The following FKBP1A variants were observed in gnomAD, a reference collection of about 807,000 sequenced individuals.
FKBP1A encodes the protein peptidyl-prolyl cis-trans isomerase FKBP1A.
In FKBP1A, 5 loss-of-function variants were observed where a neutral mutation model predicts 14.2. The ratio of observed to expected loss-of-function variants is 0.35; its 90% confidence interval spans 0.18 to 0.74. FKBP1A has a LOEUF of 0.74. FKBP1A is among the 30% of genes least tolerant of loss of function. The probability of loss-of-function intolerance (pLI) is 0.56; values close to 1 mark genes in which losing one functional copy is unlikely to be tolerated. For missense variants in FKBP1A, 53 were observed against 138.8 expected (o/e 0.38, Z 3.10); for synonymous variants, 42 against 49.1 (o/e 0.86, Z 0.60).
chr20:1,390,617 C>A (rs1173890518), intron 2 of FKBP1A, among the ~76,000 whole-genome samples: 1 of 152,156 alleles, frequency 6.6e-6, no homozygotes, highest in Non-Finnish European at 1.5e-5. Flanking sequence ...GATCATGTTC[C>A]CCCAAGATGG....
At chr20:1,385,262 C>T (rs528606551) in intron 2 of FKBP1A, among the ~76,000 whole-genome samples, 36 of 152,038 alleles carry the variant, frequency 2.4e-4, no homozygotes, top group Admixed American at 2.2e-3. Flanking sequence ...TGGTGGCGTG[C>T]GCCTGTAGTC....
At chr20:1,375,384 T>G in intron 3 of FKBP1A, 107 bp downstream of exon 3, 1 of 754,134 alleles carries the variant, frequency 1.3e-6, no homozygotes, top group Non-Finnish European at 2.2e-6. Flanking sequence ...GGCATGAGGG[T>G]GAGACTTTTC....
chr20:1,372,504 T>G (rs2089480081), intron 3 of FKBP1A, among the ~76,000 whole-genome samples: 3 of 152,204 alleles, frequency 2.0e-5, no homozygotes, highest in Non-Finnish European at 4.4e-5. Context: ...CCCTCAACCT[T>G]TCTACGCAAG....
chr20:1,377,452 C>T (rs2089561482), intron 2 of FKBP1A: 1 of 152,144 alleles, frequency 6.6e-6, no homozygotes, highest in African/African-American at 2.4e-5. Context: ...ACTGGTGCCC[C>T]AGAACTGGTG....
intron 2 of FKBP1A, among the ~76,000 whole-genome samples, chr20:1,388,572 A>C (rs1057395173): frequency 1.3e-5 from 2 of 152,216 alleles, no homozygotes; most frequent in Non-Finnish European, 2.9e-5. Flanking sequence ...GGCAGGGTCA[A>C]GATCAGAACA....
At chr20:1,376,777 A>G (rs1296636957) in intron 2 of FKBP1A, 1 of 152,172 alleles carries the variant, frequency 6.6e-6, no homozygotes, top group African/African-American at 2.4e-5. Flanking sequence ...CCCAAATACC[A>G]TGCTCTTTCT....
Position 1,393,031 on chromosome 20 carries a change from C to A in FKBP1A, c.-33G>T. On this transcript the variant is annotated 5_prime_UTR_variant, in exon 1 of 5. Coordinates refer to ENST00000400137, the MANE Select transcript of FKBP1A (RefSeq NM_000801.5). ...GCGGACGCTGAGCGGGCGGGCGGCG[C>A]GACGGGCGGCGTGGACCAACAGCGA... 2.9e-6 allele frequency: 4 copies of A among 1,399,572 alleles called. No homozygotes were observed. Among genetic ancestry groups the A allele is most frequent in the Non-Finnish European group, 3.8e-6 (4 of 1,060,830 alleles). The allele number at this position is 1,399,572 out of a possible 1,614,324, so 86.7% of individuals were successfully genotyped here. A position where few individuals can be genotyped will look rare whatever the true frequency, so the allele number is the denominator to read the frequency against.
Position 1,393,022 on chromosome 20 carries a change from C to A in FKBP1A, c.-24G>T. 1 of 1,441,294 alleles carries A rather than the reference C, an allele frequency of 6.9e-7. No individual in the cohort carries two copies. The highest frequency in any genetic ancestry group is 9.1e-7 in the Non-Finnish European group (1 of 1,095,244). 89.3% of individuals were successfully genotyped at this position (1,441,294 alleles called of 1,614,324 possible). ...ATGGCGGCGGCGGACGCTGAGCGGG[C>A]GGGCGGCGCGACGGGCGGCGTGGAC... On this transcript the variant is annotated 5_prime_UTR_variant, in exon 1 of 5. Coordinates refer to ENST00000400137, the MANE Select transcript of FKBP1A (RefSeq NM_000801.5).
At chr20:1,382,001 T>G (rs931260006) in intron 2 of FKBP1A, among the ~76,000 whole-genome samples, 1 of 152,226 alleles carries the variant, frequency 6.6e-6, no homozygotes, top group African/African-American at 2.4e-5. Flanking sequence ...ATATTGGATT[T>G]CAATCACGCC....
chr20:1,371,297 G>A (rs1487608720), intron 4 of FKBP1A: 4 of 829,456 alleles, frequency 4.8e-6, no homozygotes, highest in Non-Finnish European at 5.8e-6. Flanking sequence ...GGGTGGAAGA[G>A]GGGAAAATCA....
chr20:1,381,493 A>G (rs1156812128), intron 2 of FKBP1A, among the ~76,000 whole-genome samples: 4 of 152,240 alleles, frequency 2.6e-5, no homozygotes, highest in African/African-American at 7.2e-5. Context: ...TAGTGGGAAT[A>G]TAACATAAAG....
chr20:1,390,754 C>A (rs1167489597), intron 2 of FKBP1A, among the ~76,000 whole-genome samples: 1 of 152,166 alleles, frequency 6.6e-6, no homozygotes, highest in African/African-American at 2.4e-5. Flanking sequence ...CAAAGACCCA[C>A]GGGAACAAAG....
chr20:1,371,612 A>C, intron 4 of FKBP1A: 2 of 693,724 alleles, frequency 2.9e-6, no homozygotes, highest in Non-Finnish European at 3.5e-6. Context: ...CAGTAACCAC[A>C]AACCACAGTG....
chr20:1,369,465 A>G lies in FKBP1A; in HGVS notation c.*644T>C, dbSNP rs2089432293. 1 of 158,722 alleles carries G rather than the reference A, an allele frequency of 6.3e-6. No homozygotes were observed. Among genetic ancestry groups the G allele is most frequent in the Non-Finnish European group, 1.5e-5 (1 of 66,450 alleles). The allele number at this position is 158,722 out of a possible 1,614,324, so 9.8% of individuals were successfully genotyped here. On this transcript the variant is annotated 3_prime_UTR_variant, in exon 5 of 5. Transcript: ENST00000400137. ...ACCTGTAGTGTCCAGCATTGCAGTGAACATGATCTACTTTCAAAGGCAGAG... is the reference window on the plus strand; with the variant it reads ...ACCTGTAGTGTCCAGCATTGCAGTGGACATGATCTACTTTCAAAGGCAGAG...
At chr20:1,371,950 A>G in intron 4 of FKBP1A, 126 bp downstream of exon 4, 1 of 1,454,322 alleles carries the variant, frequency 6.9e-7, no homozygotes, top group Non-Finnish European at 9.1e-7. Flanking sequence ...TACTCAATAC[A>G]GAAAGAATGC....
rs937335216 is a variant in FKBP1A, at chr20:1,389,575, T to C, written c.85+3259A>G. On this transcript the variant is annotated intron_variant, in intron 2 of 4. Transcript: ENST00000400137. ...CAGTCAACCTCCTGAGGACATGAGGTTGAGGGGCTCCTGGTTTTTCTCAGT... is the reference window on the plus strand; with the variant it reads ...CAGTCAACCTCCTGAGGACATGAGGCTGAGGGGCTCCTGGTTTTTCTCAGT... Among the ~76,000 whole-genome samples the C allele has an allele frequency of 2.6e-5, 4 of 152,254 alleles. No homozygotes were observed. In the South Asian group the frequency reaches 6.2e-4, roughly 24 times the overall value.
In FKBP1A at chr20:1,368,993, T is replaced by C. The variant is rs2089424775; in HGVS notation, c.*1116A>G. 1 of 166,176 alleles carries C rather than the reference T, an allele frequency of 6.0e-6. No homozygotes were observed. The highest frequency in any genetic ancestry group is 6.6e-5 in the Admixed American group (1 of 15,256). The allele number at this position is 166,176 out of a possible 1,614,324, so 10.3% of individuals were successfully genotyped here. ...GACACAGAGCTGAGAAAAGCCGGCA[T>C]AAAGCACTTTTATTGCAATAATAAA... is the stretch of plus-strand genomic sequence containing the variant. On this transcript the variant is annotated 3_prime_UTR_variant, in exon 5 of 5. Coordinates refer to ENST00000400137, the MANE Select transcript of FKBP1A (RefSeq NM_000801.5).
At chr20:1,376,711 AAAAATAGTAAATTTATAATTTAGT>A (rs2089549127) in intron 2 of FKBP1A, 3 of 152,206 alleles carry the variant, frequency 2.0e-5, no homozygotes, top group Non-Finnish European at 4.4e-5. Flanking sequence ...TTACTATTAT[AAAAATAGTAAATTTATAATTTAGT>A]AAAATAGTAA....
intron 2 of FKBP1A, among the ~76,000 whole-genome samples, chr20:1,390,744 C>CA (rs2089725736): frequency 1.3e-5 from 2 of 152,182 alleles, no homozygotes; most frequent in Non-Finnish European, 2.9e-5. Flanking sequence ...AGGCTGGTGA[C>CA]AAAGACCCAC....
Sources: allele counts gnomAD v4.1 joint callset (sites outside exome capture counted in the v4.1 genomes callset), GRCh38; gene constraint gnomAD v4.1.1; transcripts MANE v1.5; gene names NCBI Gene and HGNC (gene_info 2026-07-23, HGNC 2026-07-21).